ATP11A: variants seen among roughly 807,000 people sequenced by gnomAD.
ATP11A encodes ATPase phospholipid transporting 11A.
Under a neutral mutation model 154.4 loss-of-function variants are expected in ATP11A, and 81 were observed. That is an observed-to-expected ratio of 0.52 (90% CI 0.44 to 0.63). The LOEUF (loss-of-function observed/expected upper bound fraction) is 0.63, where lower values mean the gene tolerates loss of function less well. Among genes scored for constraint, ATP11A ranks in the 30% least tolerant of loss-of-function variants. The pLI is 0.00. For missense variants in ATP11A, 1,316 were observed against 1,474.3 expected (o/e 0.89, Z 1.76); for synonymous variants, 623 against 585.9 (o/e 1.06, Z -0.91).
chr13:112,719,982 C>T (rs908914331), intron 1 of ATP11A, among the ~76,000 whole-genome samples: 39 of 152,338 alleles, frequency 2.6e-4, no homozygotes, highest in Admixed American at 1.3e-3. Context: ...TCAGAATGTT[C>T]TTTGCAGCAG....
At chr13:112,749,404 A>G (rs970673046) in intron 1 of ATP11A, among the ~76,000 whole-genome samples, 1 of 152,250 alleles carries the variant, frequency 6.6e-6, no homozygotes, top group Non-Finnish European at 1.5e-5. Flanking sequence ...GACTTTCCTG[A>G]ATTAACTACA....
At chr13:112,808,468 GC>G (rs996081575) in intron 4 of ATP11A, among the ~76,000 whole-genome samples, 1 of 151,122 alleles carries the variant, frequency 6.6e-6, no homozygotes, top group Non-Finnish European at 1.5e-5. Context: ...GTGTGCCAGA[GC>G]CCCCCCACCC....
rs1166003591 is a variant in ATP11A, at chr13:112,883,850, A to G, written c.*1984A>G. On this transcript the variant is annotated 3_prime_UTR_variant, in exon 30 of 30. Transcript: ENST00000375645. ...TTTTACAGCCCTTTTTAGGAACCCA[A>G]TATGGGCATAAATGTAACACCTGTA... The G allele has an allele frequency of 6.6e-6, 1 of 152,596 alleles. No individual in the cohort carries two copies. Among genetic ancestry groups the G allele is most frequent in the African/African-American group, 2.4e-5 (1 of 41,462 alleles). 9.5% of individuals were successfully genotyped at this position (152,596 alleles called of 1,614,324 possible).
At chr13:112,835,678 C>T (rs892440843) in intron 15 of ATP11A, among the ~76,000 whole-genome samples, 5 of 152,242 alleles carry the variant, frequency 3.3e-5, no homozygotes, top group African/African-American at 9.6e-5. Flanking sequence ...GGGGCAGCAG[C>T]GGGGGCTGCC....
intron 1 of ATP11A, among the ~76,000 whole-genome samples, chr13:112,771,673 T>C (rs1270472947): frequency 6.6e-6 from 1 of 152,220 alleles, no homozygotes; most frequent in Non-Finnish European, 1.5e-5. Context: ...GTTGACGTTA[T>C]TTCAGTCACA....
chr13:112,832,827 G>C, intron 13 of ATP11A, 33 bp from the exon 14 acceptor site: 2 of 1,603,358 alleles, frequency 1.2e-6, no homozygotes, highest in Non-Finnish European at 1.7e-6. Context: ...GACGCACCGT[G>C]ATTTGGGGGT....
chr13:112,759,706 T>G (rs1297381231), intron 1 of ATP11A, among the ~76,000 whole-genome samples: 3 of 152,230 alleles, frequency 2.0e-5, no homozygotes, highest in Non-Finnish European at 4.4e-5. Context: ...GCCTGTTTTG[T>G]AAACTTTTAA....
At position 112,785,290 on chromosome 13, in the gene ATP11A, T is replaced by G. The variant is rs1041695463; in HGVS notation, c.162+33T>G. The G allele has an allele frequency of 6.4e-6, 9 of 1,411,846 alleles. No homozygotes were observed. The allele number at this position is 1,411,846 out of a possible 1,614,324, so 87.5% of individuals were successfully genotyped here. On this transcript the variant is annotated intron_variant, in intron 2 of 29. Coordinates refer to ENST00000375645, the MANE Select transcript of ATP11A (RefSeq NM_015205.3). The surrounding 1 kb of genome is among the most constrained non-coding windows in gnomAD (Gnocchi z 4.8). The stretch of plus-strand genomic sequence containing the variant: ...GGCTTGGGTCTGAGTGTCCATAATG[T>G]GTCTAAAAAGCAGCTGCCGGGGGGT...
rs1274101453 is a variant in ATP11A, at chr13:112,882,132, G to T, written c.*266G>T. ...CTGGCCCCCAGCAGGCAAGGAGGGG[G>T]GTCACAGGCCTTGCCCTCGAGCATG... is the stretch of plus-strand genomic sequence containing the variant. On this transcript the variant is annotated 3_prime_UTR_variant, in exon 30 of 30. Transcript: ENST00000375645. The surrounding 1 kb of genome is among the most constrained non-coding windows in gnomAD (Gnocchi z 5.1). 4 of 1,328,472 alleles carry T rather than the reference G, an allele frequency of 3.0e-6. No individual in the cohort carries two copies. Among genetic ancestry groups the T allele is most frequent in the East Asian group, 9.3e-5 (2 of 21,570 alleles). 82.3% of individuals were successfully genotyped at this position (1,328,472 alleles called of 1,614,324 possible). A position where few individuals can be genotyped will look rare whatever the true frequency, so the allele number is the denominator to read the frequency against.
chr13:112,864,465 C>T (rs1330873340), intron 25 of ATP11A, among the ~76,000 whole-genome samples: 1 of 93,830 alleles, frequency 1.1e-5, no homozygotes, highest in Admixed American at 1.2e-4. Context: ...CATGCAGCTT[C>T]CCAGCGGGGT....
intron 18 of ATP11A, chr13:112,851,430 AT>A: frequency 2.2e-6 from 1 of 457,672 alleles, no homozygotes; most frequent in Non-Finnish European, 3.9e-6. Context: ...CATGAAGAAG[AT>A]GCCTGAAAGC....
At chr13:112,732,111 G>A (rs1890545847) in intron 1 of ATP11A, among the ~76,000 whole-genome samples, 1 of 152,144 alleles carries the variant, frequency 6.6e-6, no homozygotes, top group South Asian at 2.1e-4. Flanking sequence ...AGTTGGTTGG[G>A]AGTTTTAGGG....
At chr13:112,851,631 C>T (rs566056219) in intron 18 of ATP11A, 2 of 155,424 alleles carry the variant, frequency 1.3e-5, no homozygotes, top group African/African-American at 4.8e-5. Flanking sequence ...AAGCTGTCCT[C>T]CCTTCTCAGC....
At chr13:112,717,206 T>A (rs564959469) in intron 1 of ATP11A, 11 of 152,334 alleles carry the variant, frequency 7.2e-5, no homozygotes, top group African/African-American at 2.6e-4. Flanking sequence ...AATGCAAATA[T>A]GGTCTCATTT....
chr13:112,733,411 A>T (rs1392948052), intron 1 of ATP11A, among the ~76,000 whole-genome samples: 2 of 152,360 alleles, frequency 1.3e-5, no homozygotes, highest in Non-Finnish European at 1.5e-5. Flanking sequence ...CTAGGCAGGA[A>T]TGTGAAAGCC....
intron 1 of ATP11A, among the ~76,000 whole-genome samples, chr13:112,762,456 G>A (rs1047678551): frequency 4.6e-5 from 7 of 152,082 alleles, no homozygotes; most frequent in Non-Finnish European, 5.9e-5. Flanking sequence ...ACTGCTGTGC[G>A]CCTGATGCAA....
At chr13:112,705,457 G>T (rs911775808) in intron 1 of ATP11A, among the ~76,000 whole-genome samples, 1 of 147,098 alleles carries the variant, frequency 6.8e-6, no homozygotes, top group African/African-American at 2.7e-5. Context: ...GGAGCAAGAG[G>T]TACAGGCGCC....
chr13:112,806,342 G>T (rs779756732), intron 4 of ATP11A, 49 bp downstream of exon 4: 2 of 1,418,994 alleles, frequency 1.4e-6, no homozygotes, highest in East Asian at 2.3e-5. Context: ...TTCACCATGT[G>T]AATTGCCTTT....
At position 112,854,384 on chromosome 13, in the gene ATP11A, C is replaced by T. The variant is rs143326914; in HGVS notation, c.2097C>T (p.Tyr699=). 1.4e-5 allele frequency: 22 copies of T among 1,613,846 alleles called. No homozygotes were observed. Among genetic ancestry groups the T allele is most frequent in the African/African-American group, 9.3e-5 (7 of 74,944 alleles). ...TGGAGACGGCCGCGGCCACGTGCTA[C>T]GCCTGCAAGCTCTTCCGCAGGAACA... The part of the protein sequence containing the change: ...DKMETAAATC[Y]ACKLFRRNTQ... Residue 699 remains tyrosine, a synonymous_variant, in exon 19 of 30, where the codon TAC becomes TAT. Transcript: ENST00000375645.
Sources: gnomAD v4.1 joint callset for allele counts (sites outside exome capture counted in the v4.1 genomes callset) on GRCh38, gnomAD v4.1.1 for gene constraint, Gnocchi (gnomAD v3.1) non-coding constraint, MANE v1.5 for transcripts, NCBI Gene and HGNC (gene_info 2026-07-23, HGNC 2026-07-21) for gene names.